RAP1GDS1: variants seen among roughly 807,000 people sequenced by gnomAD.
RAP1GDS1 encodes Rap1 GTPase-GDP dissociation stimulator 1, also known as RAP1, GTP-GDP dissociation stimulator 1.
In RAP1GDS1, 35 loss-of-function variants were observed where a neutral mutation model predicts 71.1. That is an observed-to-expected ratio of 0.49 (90% confidence interval 0.38 to 0.65). RAP1GDS1 has a LOEUF of 0.65. Among genes scored for constraint, RAP1GDS1 ranks in the 30% least tolerant of loss-of-function variants. RAP1GDS1 has a pLI of 0.00. For missense variants in RAP1GDS1, 663 were observed against 706.1 expected (o/e 0.94, Z 0.69); for synonymous variants, 229 against 243.1 (o/e 0.94, Z 0.54).
intron 4 of RAP1GDS1, among the ~76,000 whole-genome samples, chr4:98,369,909 A>G (rs1029941101): frequency 6.6e-6 from 1 of 152,176 alleles, no homozygotes; most frequent in African/African-American, 2.4e-5. Flanking sequence ...AAAGGTACAC[A>G]ATTTTTGTTT....
intron 2 of RAP1GDS1, among the ~76,000 whole-genome samples, chr4:98,318,982 T>G (rs1232976750): frequency 6.6e-6 from 1 of 152,144 alleles, no homozygotes; most frequent in Non-Finnish European, 1.5e-5. Flanking sequence ...CTGCTGTAGT[T>G]CTCTGGGGGG....
intron 6 of RAP1GDS1, chr4:98,396,860 T>G (rs1316761086): frequency 1.3e-5 from 2 of 152,220 alleles, no homozygotes; most frequent in Non-Finnish European, 1.5e-5. Context: ...TACTAAATGC[T>G]ACAGTTACTT....
At chr4:98,290,018 G>T (rs1278116585) in intron 1 of RAP1GDS1, among the ~76,000 whole-genome samples, 1 of 151,934 alleles carries the variant, frequency 6.6e-6, no homozygotes, top group Non-Finnish European at 1.5e-5. Flanking sequence ...TTGAAGTGAG[G>T]TAAAAATGTC....
At chr4:98,270,858 A>C (rs147824697) in intron 1 of RAP1GDS1, among the ~76,000 whole-genome samples, 1 of 152,088 alleles carries the variant, frequency 6.6e-6, no homozygotes, top group Non-Finnish European at 1.5e-5. Context: ...TGACTATAAT[A>C]AGGATGAAGA....
At chr4:98,402,450 T>C (rs776260615) in intron 6 of RAP1GDS1, among the ~76,000 whole-genome samples, 1 of 152,144 alleles carries the variant, frequency 6.6e-6, no homozygotes, top group Non-Finnish European at 1.5e-5. Flanking sequence ...TTTCAGTATC[T>C]TATTGGAAAA....
chr4:98,344,585 C>G (rs145396752), intron 3 of RAP1GDS1, among the ~76,000 whole-genome samples: 12 of 152,228 alleles, frequency 7.9e-5, no homozygotes, highest in African/African-American at 2.9e-4. Flanking sequence ...AATTTCATGA[C>G]AACTCTGCTT....
rs1423699298 is a variant in RAP1GDS1, at chr4:98,419,915, A to G, written c.1175-104A>G. ...GACAAGATTGTTTCTAAATGGAAAA[A>G]TAAAACATGGATCTTAAAGATACTT... is the stretch of plus-strand genomic sequence containing the variant. On this transcript the variant is annotated intron_variant, in intron 10 of 14. Transcript: ENST00000408927. 5 of 1,182,634 alleles carry G rather than the reference A, an allele frequency of 4.2e-6. No homozygotes were observed. In the Admixed American group the frequency reaches 8.7e-5, roughly 20 times the overall value. The allele number at this position is 1,182,634 out of a possible 1,614,324, so 73.3% of individuals were successfully genotyped here. A position where few individuals can be genotyped will look rare whatever the true frequency, so the allele number is the denominator to read the frequency against.
chr4:98,403,918 T>TTATC (rs1314593177), intron 6 of RAP1GDS1, among the ~76,000 whole-genome samples: 1 of 152,174 alleles, frequency 6.6e-6, no homozygotes, highest in East Asian at 1.9e-4. Context: ...GAATGGTAGT[T>TTATC]GATAGAGGTG....
At chr4:98,392,189 A>AT (rs1743805157) in intron 6 of RAP1GDS1, 109 bp downstream of exon 6, 3 of 1,050,908 alleles carry the variant, frequency 2.9e-6, no homozygotes, top group African/African-American at 3.3e-5. Context: ...GTATTAGTTT[A>AT]TTTTTTGAAG....
At chr4:98,375,218 A>T (rs943531188) in intron 4 of RAP1GDS1, among the ~76,000 whole-genome samples, 2 of 152,128 alleles carry the variant, frequency 1.3e-5, no homozygotes, top group Non-Finnish European at 2.9e-5. Context: ...TCTTTGGCTT[A>T]TGGTAGCATA....
chr4:98,364,001 A>G (rs1443924556), intron 4 of RAP1GDS1, among the ~76,000 whole-genome samples: 4 of 152,088 alleles, frequency 2.6e-5, no homozygotes, highest in African/African-American at 9.6e-5. Flanking sequence ...AGGAAAGAAC[A>G]GAGGTTGTTT....
At position 98,330,542 on chromosome 4, in the gene RAP1GDS1, A is replaced by C. The variant is rs182397573; in HGVS notation, c.113-12597A>C. ...CGGGTAAAGGCGCTCCTCACCTCCC[A>C]GACGGGGCGGCCGGACAGAGGCGCT... On this transcript the variant is annotated intron_variant, in intron 2 of 14. Coordinates refer to ENST00000408927, the MANE Select transcript of RAP1GDS1 (RefSeq NM_001100427.2). Among the ~76,000 whole-genome samples the C allele has an allele frequency of 3.9e-3, 560 of 143,066 alleles. 5 individuals carry two copies. Among genetic ancestry groups the C allele is most frequent in the African/African-American group, 0.014 (535 of 37,458 alleles). 93.9% of individuals were successfully genotyped at this position (143,066 alleles called of 152,430 possible).
At chr4:98,418,309 A>G (rs1258145080) in intron 9 of RAP1GDS1, among the ~76,000 whole-genome samples, 2 of 152,336 alleles carry the variant, frequency 1.3e-5, no homozygotes, top group South Asian at 2.1e-4. Context: ...CAAAAGGTAG[A>G]GTACTATCAC....
chr4:98,351,667 C>G (rs959083680), intron 3 of RAP1GDS1, among the ~76,000 whole-genome samples: 2 of 150,846 alleles, frequency 1.3e-5, no homozygotes, highest in African/African-American at 2.4e-5. Context: ...TACATACTTC[C>G]TTATGTTTTG....
At chr4:98,309,533 TAGAG>T (rs1729890257) in intron 2 of RAP1GDS1, among the ~76,000 whole-genome samples, 1 of 151,882 alleles carries the variant, frequency 6.6e-6, no homozygotes, top group Non-Finnish European at 1.5e-5. Context: ...AAATACAAAA[TAGAG>T]AGTAAAAGAT....
chr4:98,433,791 CT>C, intron 12 of RAP1GDS1, 144 bp from the exon 13 acceptor site: 1 of 690,726 alleles, frequency 1.4e-6, no homozygotes, highest in Non-Finnish European at 2.2e-6. Flanking sequence ...TCCTTTTCTT[CT>C]GTGGAGAAAA....
chr4:98,339,370 G>C (rs908753532), intron 2 of RAP1GDS1, among the ~76,000 whole-genome samples: 1 of 152,166 alleles, frequency 6.6e-6, no homozygotes, highest in African/African-American at 2.4e-5. Context: ...AAAACTGCCA[G>C]TTGCCTATAA....
chr4:98,410,410 C>A (rs1746873755), intron 7 of RAP1GDS1, among the ~76,000 whole-genome samples: 1 of 152,110 alleles, frequency 6.6e-6, no homozygotes, highest in African/African-American at 2.4e-5. Flanking sequence ...CATAAACCAA[C>A]TGTTGATGAG....
intron 7 of RAP1GDS1, among the ~76,000 whole-genome samples, chr4:98,413,737 T>A: frequency 6.6e-6 from 1 of 152,160 alleles, no homozygotes; most frequent in East Asian, 1.9e-4. Context: ...ATATACCCAG[T>A]AATGGGATGG....
Sources: allele counts gnomAD v4.1 joint callset (sites outside exome capture counted in the v4.1 genomes callset), GRCh38; gene constraint gnomAD v4.1.1; transcripts MANE v1.5; gene names NCBI Gene and HGNC (gene_info 2026-07-23, HGNC 2026-07-21).